Variants in ARHGAP44 observed in about 807,000 individuals in gnomAD.
ARHGAP44 encodes rho GTPase-activating protein 44.
A neutral mutation model predicts 106.8 loss-of-function variants in ARHGAP44; 43 were observed. That is an observed-to-expected ratio of 0.40 (90% CI 0.32 to 0.52). The LOEUF is 0.52. Ranked by LOEUF, ARHGAP44 falls within the 20% of genes least tolerant of loss-of-function variation. The pLI is 0.48. For synonymous variants in ARHGAP44, 439 were observed against 410.3 expected, an observed-to-expected ratio of 1.07 and a Z score of -0.85; for missense variants, 866 against 1,050.5, an observed-to-expected ratio of 0.82 and a Z score of 2.43.
chr17:12,957,316 A>T (rs1204493359), intron 15 of ARHGAP44, among the ~76,000 whole-genome samples: 2 of 152,134 alleles, frequency 1.3e-5, no homozygotes, highest in Non-Finnish European at 2.9e-5. Flanking sequence ...TGTACTAACC[A>T]TGTCCGTGGA....
chr17:12,890,393 C>T (rs1165042638), intron 1 of ARHGAP44, among the ~76,000 whole-genome samples: 9 of 152,210 alleles, frequency 5.9e-5, no homozygotes, highest in African/African-American at 2.2e-4. Context: ...TGCCACCAAG[C>T]TTACCACTTA....
chr17:12,815,182 C>G (rs528269101), intron 1 of ARHGAP44, among the ~76,000 whole-genome samples: 5 of 152,086 alleles, frequency 3.3e-5, no homozygotes, highest in African/African-American at 1.2e-4. Context: ...TCCAGAGTCT[C>G]CTGGGATTTT....
intron 7 of ARHGAP44, 43 bp from the exon 8 acceptor site, chr17:12,941,013 T>C (rs751584424): frequency 1.5e-5 from 24 of 1,577,564 alleles, no homozygotes; most frequent in Non-Finnish European, 1.9e-5. Context: ...CCACTCTCCA[T>C]TGGTTTATGT....
At chr17:12,894,292 A>C (rs1313346980) in intron 1 of ARHGAP44, among the ~76,000 whole-genome samples, 2 of 133,320 alleles carry the variant, frequency 1.5e-5, no homozygotes, top group Non-Finnish European at 3.1e-5. Flanking sequence ...ATAAAGAGAG[A>C]GTGAGAAAGA....
In ARHGAP44 at chr17:12,991,629, A is replaced by T. The variant is rs768796288; in HGVS notation, c.*1458A>T. ...GTCAAAAGTAACGTTATTAAAATAG[A>T]TTTATTATCCCTGAGCTTGGCATCT... On this transcript the variant is annotated 3_prime_UTR_variant, in exon 21 of 21. Transcript: ENST00000379672. 10 of 187,606 alleles carry T rather than the reference A, an allele frequency of 5.3e-5. No individual in the cohort carries two copies. Among genetic ancestry groups the T allele is most frequent in the African/African-American group, 1.4e-4 (6 of 42,752 alleles). The allele number at this position is 187,606 out of a possible 1,614,324, so 11.6% of individuals were successfully genotyped here.
chr17:12,948,751 C>T (rs930668565), intron 10 of ARHGAP44, among the ~76,000 whole-genome samples: 8 of 147,874 alleles, frequency 5.4e-5, no homozygotes, highest in Non-Finnish European at 1.0e-4. Context: ...CACACACACA[C>T]CCCCTGTAGA....
chr17:12,947,605 T>C (rs73290484), intron 10 of ARHGAP44, among the ~76,000 whole-genome samples: 1,592 of 152,304 alleles, frequency 0.01, 31 homozygotes, highest in African/African-American at 0.036. Flanking sequence ...CATTAGCTAA[T>C]ATAACAATCC....
intron 1 of ARHGAP44, among the ~76,000 whole-genome samples, chr17:12,884,575 G>T (rs1488620979): frequency 6.6e-6 from 1 of 151,848 alleles, no homozygotes; most frequent in Non-Finnish European, 1.5e-5. Context: ...TTACTTTTTT[G>T]TAGACTCTTA....
At chr17:12,828,636 CTTTTTTTTT>C (rs34860101) in intron 1 of ARHGAP44, among the ~76,000 whole-genome samples, 2 of 93,234 alleles carry the variant, frequency 2.1e-5, no homozygotes, top group South Asian at 3.8e-4. Context: ...TTTTTTCTTT[CTTTTTTTTT>C]TTTTTTTTTT....
chr17:12,918,977 A>G (rs2037995151), intron 5 of ARHGAP44, among the ~76,000 whole-genome samples: 1 of 152,228 alleles, frequency 6.6e-6, no homozygotes, highest in Non-Finnish European at 1.5e-5. Context: ...AGCTCAGGAA[A>G]GGGCATCAAT....
At chr17:12,906,332 A>G (rs1317579249) in intron 3 of ARHGAP44, among the ~76,000 whole-genome samples, 2 of 152,158 alleles carry the variant, frequency 1.3e-5, no homozygotes, top group African/African-American at 4.8e-5. Context: ...TTATTCTGAC[A>G]CTGTATACCT....
At chr17:12,952,711 A>G (rs2039021686) in intron 13 of ARHGAP44, 130 bp downstream of exon 13, 2 of 493,572 alleles carry the variant, frequency 4.1e-6, no homozygotes, top group African/African-American at 2.0e-5. Context: ...TATTATTAAC[A>G]TGCATGGTCT....
intron 6 of ARHGAP44, among the ~76,000 whole-genome samples, chr17:12,920,762 C>G (rs1420872898): frequency 6.6e-6 from 1 of 152,118 alleles, no homozygotes; most frequent in Non-Finnish European, 1.5e-5. Context: ...CTTTCTGTAG[C>G]CTTTCTCTTA....
intron 1 of ARHGAP44, among the ~76,000 whole-genome samples, chr17:12,794,278 G>C (rs763004440): frequency 1.3e-5 from 2 of 152,084 alleles, no homozygotes; most frequent in African/African-American, 2.4e-5. Context: ...ATGGTACCTT[G>C]ATTTGGTGGG....
Position 12,932,010 on chromosome 17 carries a change from AT to A in ARHGAP44, c.582+2972del, listed in dbSNP as rs200554456. Among the ~76,000 whole-genome samples, 929 of 151,992 alleles carry A rather than the reference AT, an allele frequency of 6.1e-3. 6 individuals carry two copies. Among genetic ancestry groups the A allele is most frequent in the South Asian group, 0.011 (54 of 4,812 alleles). On this transcript the variant is annotated intron_variant, in intron 7 of 20. Transcript: ENST00000379672. The stretch of plus-strand genomic sequence containing the variant: ...ATATGTATATCCTTATACCCTGGTA[AT>A]TTTTTTTCTATAGGATAGATTCCAA...
At chr17:12,887,377 T>C (rs1422184837) in intron 1 of ARHGAP44, among the ~76,000 whole-genome samples, 1 of 152,020 alleles carries the variant, frequency 6.6e-6, no homozygotes, top group Non-Finnish European at 1.5e-5. Context: ...TACAGGCATG[T>C]ACTACCATGC....
intron 20 of ARHGAP44, chr17:12,987,303 T>A (rs1439880810): frequency 1.6e-6 from 1 of 636,780 alleles, no homozygotes; most frequent in Non-Finnish European, 2.5e-6. Flanking sequence ...CAAGGATGAG[T>A]TGATCCATGA....
At chr17:12,790,196 C>T (rs533756867) in intron 1 of ARHGAP44, 13 of 386,504 alleles carry the variant, frequency 3.4e-5, no homozygotes, top group Non-Finnish European at 5.5e-5. Context: ...CCCGGGACTC[C>T]CTTCTCCCTC....
intron 16 of ARHGAP44, among the ~76,000 whole-genome samples, chr17:12,962,862 A>G (rs769002940): frequency 6.6e-6 from 1 of 152,166 alleles, no homozygotes; most frequent in East Asian, 1.9e-4. Flanking sequence ...CCTGAACAAC[A>G]TGGAGAAACC....
Sources: allele counts gnomAD v4.1 joint callset (sites outside exome capture counted in the v4.1 genomes callset), GRCh38; gene constraint gnomAD v4.1.1; transcripts MANE v1.5; gene names NCBI Gene and HGNC (gene_info 2026-07-23, HGNC 2026-07-21).